The following IL1RL1 variants were observed in gnomAD, a reference collection of about 807,000 sequenced individuals.
IL1RL1 encodes the protein interleukin-1 receptor-like 1.
A neutral mutation model predicts 50.9 loss-of-function variants in IL1RL1; 32 were observed. The observed-to-expected ratio is 0.63, with a 90% CI of 0.47 to 0.84. IL1RL1 has a LOEUF of 0.84. Among genes scored for constraint, IL1RL1 ranks in the 40% least tolerant of loss-of-function variants. IL1RL1 has a pLI of 0.00. For synonymous variants in IL1RL1, 275 were observed against 236.0 expected (o/e 1.17, Z -1.51); for missense variants, 773 against 662.9 (o/e 1.17, Z -1.82).
chr2:102,341,181 T>C lies in IL1RL1; in HGVS notation c.610+353T>C, dbSNP rs990625679. The C allele has an allele frequency of 6.3e-6, 7 of 1,108,270 alleles. No homozygotes were observed. The African/African-American group carries it at 1.2e-4, about 19-fold the overall frequency. The allele number at this position is 1,108,270 out of a possible 1,614,324, so 68.7% of individuals were successfully genotyped here. A position where few individuals can be genotyped will look rare whatever the true frequency, so the allele number is the denominator to read the frequency against. On this transcript the variant is annotated intron_variant, in intron 5 of 10. Coordinates refer to ENST00000233954, the MANE Select transcript of IL1RL1 (RefSeq NM_016232.5). The stretch of plus-strand genomic sequence containing the variant: ...GAGCAAAACCAGCTTTTTTTTTTTT[T>C]TTCTAGTTTGGTGTCAGAGTTTCTG...
At chr2:102,311,938 ATAATATTAT>A (rs1676500579) in intron 1 of IL1RL1, among the ~76,000 whole-genome samples, 2 of 46,782 alleles carry the variant, frequency 4.3e-5, no homozygotes, top group South Asian at 4.4e-4. Flanking sequence ...TATATTATAT[ATAATATTAT>A]ATATAATATA....
chr2:102,344,375 G>A (rs774939556), intron 8 of IL1RL1: 34 of 966,474 alleles, frequency 3.5e-5, no homozygotes, highest in Non-Finnish European at 4.1e-5. Context: ...ACTTTGTAAA[G>A]TATTTAAGGT....
At chr2:102,335,836 T>C (rs1677305430) in intron 1 of IL1RL1, among the ~76,000 whole-genome samples, 1 of 152,182 alleles carries the variant, frequency 6.6e-6, no homozygotes, top group African/African-American at 2.4e-5. Flanking sequence ...GCAGGCAGCA[T>C]TGCAGACTCG....
At position 102,343,873 on chromosome 2, in the gene IL1RL1, A is replaced by G. The variant is rs879108043; in HGVS notation, c.970+458A>G. 7 of 1,000,078 alleles carry G rather than the reference A, an allele frequency of 7.0e-6. No individual in the cohort carries two copies. The South Asian group carries it at 3.1e-4, about 44-fold the overall frequency. The allele number at this position is 1,000,078 out of a possible 1,614,324, so 62.0% of individuals were successfully genotyped here. On this transcript the variant is annotated intron_variant, in intron 8 of 10. Coordinates refer to ENST00000233954, the MANE Select transcript of IL1RL1 (RefSeq NM_016232.5). ...TTTGTTAGCGAGGGTGGTAAAGTGA[A>G]CAAAAAGGGGAAGTATCAAACTACT...
chr2:102,329,138 G>C (rs1677099549), intron 1 of IL1RL1, among the ~76,000 whole-genome samples: 1 of 152,152 alleles, frequency 6.6e-6, no homozygotes, highest in Non-Finnish European at 1.5e-5. Context: ...TACCAAAACA[G>C]AGATATAGAT....
intron 1 of IL1RL1, among the ~76,000 whole-genome samples, chr2:102,326,609 T>C (rs1677007116): frequency 6.6e-6 from 1 of 151,920 alleles, no homozygotes; most frequent in East Asian, 1.9e-4. Context: ...AGGAAACCCA[T>C]CTCACATGCC....
chr2:102,343,279 T>C lies in IL1RL1; in HGVS notation c.834T>C (p.Asn278=), dbSNP rs775330170. Residue 278 remains asparagine (N), a synonymous_variant, in exon 8 of 11, where the codon AAT becomes AAC. Transcript: ENST00000233954. The stretch of plus-strand genomic sequence containing the variant: ...CAGGTTGCTTTCTTAGTTTCAGCAA[T>C]GGGCTGGCTTGTCTAGACATGGTTT... The part of the protein sequence containing the change: ...QEEGQNQSFS[N]GLACLDMVLR... 1 of 1,614,220 alleles carries C rather than the reference T, an allele frequency of 6.2e-7. No homozygotes were observed. The highest frequency in any genetic ancestry group is 1.7e-5 in the Admixed American group (1 of 60,024).
At chr2:102,328,740 T>C (rs566816423) in intron 1 of IL1RL1, among the ~76,000 whole-genome samples, 175 of 152,264 alleles carry the variant, frequency 1.1e-3, no homozygotes, top group African/African-American at 4.1e-3. Context: ...CCATTCACAA[T>C]TGCTTCAAGA....
chr2:102,339,510 T>G (rs1297573276), intron 3 of IL1RL1: 1 of 156,694 alleles, frequency 6.4e-6, no homozygotes, highest in Non-Finnish European at 1.4e-5. Flanking sequence ...TTGTTAAATG[T>G]TTTGATTTTG....
chr2:102,311,801 A>G (rs1163907550), intron 1 of IL1RL1, among the ~76,000 whole-genome samples, 178 bp downstream of exon 1: 1 of 95,710 alleles, frequency 1.0e-5, no homozygotes, highest in African/African-American at 4.2e-5. Flanking sequence ...TAACAATTAT[A>G]TATTATATAT....
intron 8 of IL1RL1, chr2:102,345,297 C>T (rs755563516): frequency 1.9e-5 from 19 of 985,408 alleles, no homozygotes; most frequent in Middle Eastern, 5.2e-4. Context: ...AAGCATTTCA[C>T]TCCTGAGCAC....
In IL1RL1 at chr2:102,326,317, C is replaced by G. The variant is rs191438519; in HGVS notation, c.-149-11799C>G. Reference sequence around the variant, plus strand: ...AAGCAAATGCTGAGAGATTTTGTCACCACCAGGCCTGCCCTACAAGAGCTC... The same window carrying G: ...AAGCAAATGCTGAGAGATTTTGTCAGCACCAGGCCTGCCCTACAAGAGCTC... On this transcript the variant is annotated intron_variant, in intron 1 of 10. Coordinates refer to ENST00000233954, the MANE Select transcript of IL1RL1 (RefSeq NM_016232.5). Among the ~76,000 whole-genome samples, 1,267 of 152,210 alleles carry G rather than the reference C, an allele frequency of 8.3e-3. 14 individuals are homozygous for G. Among genetic ancestry groups the G allele is most frequent in the Non-Finnish European group, 0.014 (932 of 68,014 alleles).
chr2:102,329,547 C>G (rs2104973275), intron 1 of IL1RL1, among the ~76,000 whole-genome samples: 1 of 152,276 alleles, frequency 6.6e-6, no homozygotes, highest in South Asian at 2.1e-4. Context: ...TCAGAGTGAA[C>G]AGGCAACTTA....
At chr2:102,330,463 A>G (rs534187490) in intron 1 of IL1RL1, among the ~76,000 whole-genome samples, 8 of 152,332 alleles carry the variant, frequency 5.3e-5, no homozygotes, top group Non-Finnish European at 1.0e-4. Context: ...CACGTTGTGC[A>G]CATGTACCCT....
chr2:102,325,074 C>T (rs935307175), intron 1 of IL1RL1, among the ~76,000 whole-genome samples: 18 of 152,130 alleles, frequency 1.2e-4, no homozygotes, highest in Non-Finnish European at 2.1e-4. Context: ...CCCTGACCCC[C>T]GAGTAGCCTA....
intron 1 of IL1RL1, among the ~76,000 whole-genome samples, chr2:102,324,252 T>A (rs1445915157): frequency 1.3e-5 from 2 of 152,218 alleles, no homozygotes; most frequent in Non-Finnish European, 1.5e-5. Context: ...CAAACTATGT[T>A]CACTGTATCA....
Position 102,311,843 on chromosome 2 carries a change from G to GTAATATATAATATATTATATAATATA in IL1RL1, c.-150+234_-150+235insTTATATAATATATAATATATAATATA, listed in dbSNP as rs1274924167. 2.7e-4 allele frequency among the ~76,000 whole-genome samples: 11 copies of GTAATATATAATATATTATATAATATA among 41,276 alleles called. 1 individual carries two copies. Among genetic ancestry groups the GTAATATATAATATATTATATAATATA allele is most frequent in the African/African-American group, 9.5e-4 (11 of 11,634 alleles). The allele number at this position is 41,276 out of a possible 152,430, so 27.1% of individuals were successfully genotyped here. The stretch of plus-strand genomic sequence containing the variant: ...ATTATATAATATATATTATATAATT[G>GTAATATATAATATATTATATAATATA]TAATATATAATATAATTATATAATA... On this transcript the variant is annotated intron_variant, in intron 1 of 10. Transcript: ENST00000233954.
intron 1 of IL1RL1, among the ~76,000 whole-genome samples, chr2:102,336,783 G>C (rs1383198996): frequency 6.6e-6 from 1 of 152,032 alleles, no homozygotes; most frequent in African/African-American, 2.4e-5. Flanking sequence ...TCACATTCTG[G>C]AACCTAGACA....
At chr2:102,316,892 A>G (rs1245643159) in intron 1 of IL1RL1, among the ~76,000 whole-genome samples, 3 of 152,204 alleles carry the variant, frequency 2.0e-5, no homozygotes, top group African/African-American at 4.8e-5. Context: ...CTGTACAATG[A>G]TGGATCAACT....
Sources: allele counts gnomAD v4.1 joint callset (sites outside exome capture counted in the v4.1 genomes callset), GRCh38; gene constraint gnomAD v4.1.1; transcripts MANE v1.5; gene names NCBI Gene and HGNC (gene_info 2026-07-23, HGNC 2026-07-21).